The following MTCL1 variants were observed in gnomAD, a reference collection of about 807,000 sequenced individuals.
The protein encoded by MTCL1 is microtubule crosslinking factor 1.
MTCL1 carries 79 observed loss-of-function variants against 141.4 expected under a neutral mutation model. That is an observed-to-expected ratio of 0.56 (90% CI 0.47 to 0.67). MTCL1 has a LOEUF of 0.67. MTCL1 is among the 30% of genes least tolerant of loss of function. The probability of loss-of-function intolerance (pLI) is 0.00; values close to 1 mark genes in which losing one functional copy is unlikely to be tolerated. For missense variants in MTCL1, 2,177 were observed against 2,113.9 expected, an observed-to-expected ratio of 1.03 and a Z score of -0.59; for synonymous variants, 914 against 875.8, an observed-to-expected ratio of 1.04 and a Z score of -0.77.
At position 8,828,827 on chromosome 18, in the gene MTCL1, T is replaced by C. The variant is rs2077105430; in HGVS notation, c.4723-81T>C. 6.2e-7 allele frequency: 1 copy of C among 1,607,648 alleles called. No homozygotes were observed. The highest frequency in any genetic ancestry group is 8.5e-7 in the Non-Finnish European group (1 of 1,177,778). Reference sequence around the variant, plus strand: ...CCTCTACCTCCGGGCTTGCTGACTTTAAACCTTTATTGTTCTCCTGTTTAA... The same window carrying C: ...CCTCTACCTCCGGGCTTGCTGACTTCAAACCTTTATTGTTCTCCTGTTTAA... On this transcript the variant is annotated intron_variant, in intron 15 of 16. Coordinates refer to ENST00000359865, the Ensembl canonical transcript of MTCL1. The surrounding 1 kb of genome is among the most constrained non-coding windows in gnomAD (Gnocchi z 5.2).
exon 1 of MTCL1, chr18:8,706,060 C>G: frequency 8.4e-7 from 1 of 1,190,604 alleles, no homozygotes; most frequent in South Asian, 4.2e-5. Context: ...GAGGGCGGCG[C>G]GCGTGGCGCC....
In MTCL1 at chr18:8,786,118, C is replaced by CG. The variant is rs770424232; in HGVS notation, c.1887+27_1887+28insG. 1.1e-4 allele frequency: 151 copies of CG among 1,400,606 alleles called. 3 individuals carry two copies. The highest frequency in any genetic ancestry group is 4.6e-4 in the African/African-American group (20 of 43,776). The allele number at this position is 1,400,606 out of a possible 1,614,324, so 86.8% of individuals were successfully genotyped here. A position where few individuals can be genotyped will look rare whatever the true frequency, so the allele number is the denominator to read the frequency against. On this transcript the variant is annotated intron_variant, in intron 7 of 16. Transcript: ENST00000359865. ...TCAGCGTGGGCAAGCAATCCCCCCC[C>CG]CCCGCCCTCCCCCTCCTTTTTCTGT...
chr18:8,784,030 C>T, exon 6 of MTCL1: 1 of 1,613,654 alleles, frequency 6.2e-7, no homozygotes, highest in East Asian at 2.2e-5. Context: ...CCCACGAGCT[C>T]AGCAAGTTTA....
chr18:8,815,230 CA>C (rs1392676480), intron 12 of MTCL1, among the ~76,000 whole-genome samples: 1 of 151,812 alleles, frequency 6.6e-6, no homozygotes, highest in Non-Finnish European at 1.5e-5. Context: ...CCCAAATGTC[CA>C]ACAATGGTAG....
intron 7 of MTCL1, among the ~76,000 whole-genome samples, chr18:8,788,314 G>A (rs1471210683): frequency 6.6e-6 from 1 of 152,152 alleles, no homozygotes; most frequent in Non-Finnish European, 1.5e-5. Flanking sequence ...GACTCTACCT[G>A]TGTGGATCCC....
At chr18:8,781,676 C>T (rs2096533116) in intron 5 of MTCL1, among the ~76,000 whole-genome samples, 1 of 152,078 alleles carries the variant, frequency 6.6e-6, no homozygotes, top group Non-Finnish European at 1.5e-5. Context: ...ATATACAGAC[C>T]ATTATTTCAT....
At chr18:8,777,203 G>A (rs774075816) in intron 4 of MTCL1, among the ~76,000 whole-genome samples, 4 of 152,152 alleles carry the variant, frequency 2.6e-5, no homozygotes, top group African/African-American at 7.2e-5. Context: ...ACCACTGCAC[G>A]CTAGCCTGGG....
At chr18:8,748,587 CACACACATAT>C (rs2096353881) in intron 4 of MTCL1, among the ~76,000 whole-genome samples, 1 of 152,092 alleles carries the variant, frequency 6.6e-6, no homozygotes, top group African/African-American at 2.4e-5. Flanking sequence ...TATGCACACA[CACACACATAT>C]ACACACATAT....
At chr18:8,795,258 C>A (rs778898665) in intron 8 of MTCL1, among the ~76,000 whole-genome samples, 1 of 152,142 alleles carries the variant, frequency 6.6e-6, no homozygotes, top group Non-Finnish European at 1.5e-5. Context: ...GAGAATTAAT[C>A]TAGTACTTTA....
intron 4 of MTCL1, among the ~76,000 whole-genome samples, chr18:8,757,867 C>T (rs555353193): frequency 5.5e-4 from 83 of 152,154 alleles, no homozygotes; most frequent in African/African-American, 1.9e-3. Flanking sequence ...AATTTTTCTT[C>T]CTTTGGTTTT....
chr18:8,806,446 A>G (rs146888782), intron 10 of MTCL1, among the ~76,000 whole-genome samples: 1 of 151,042 alleles, frequency 6.6e-6, no homozygotes, highest in Non-Finnish European at 1.5e-5. Context: ...CTGCACCCTC[A>G]TGACAGTCTT....
intron 4 of MTCL1, among the ~76,000 whole-genome samples, chr18:8,726,372 A>G (rs1267318238): frequency 1.4e-5 from 2 of 141,834 alleles, no homozygotes; most frequent in Non-Finnish European, 3.0e-5. Context: ...TCAAAATGCT[A>G]GTCAATTTGG....
intron 4 of MTCL1, among the ~76,000 whole-genome samples, chr18:8,727,909 T>TCG (rs1370619486): frequency 7.1e-6 from 1 of 141,804 alleles, no homozygotes; most frequent in Non-Finnish European, 1.5e-5. Flanking sequence ...TCTCTCTCTC[T>TCG]CTTTCTTTGA....
At chr18:8,806,317 C>T (rs1033121591) in intron 10 of MTCL1, among the ~76,000 whole-genome samples, 3 of 152,186 alleles carry the variant, frequency 2.0e-5, no homozygotes, top group African/African-American at 4.8e-5. Flanking sequence ...AACCACCAAT[C>T]GGAGTCTGAT....
intron 12 of MTCL1, among the ~76,000 whole-genome samples, chr18:8,818,533 C>T (rs2076736829): frequency 6.6e-6 from 1 of 152,228 alleles, no homozygotes; most frequent in African/African-American, 2.4e-5. Context: ...GATTCACACT[C>T]AGAAGTTTGC....
intron 10 of MTCL1, among the ~76,000 whole-genome samples, chr18:8,801,417 GGGA>G (rs1235425949): frequency 6.6e-6 from 1 of 151,692 alleles, no homozygotes; most frequent in Non-Finnish European, 1.5e-5. Context: ...TCCTGCAACT[GGGA>G]GGCCTCCCCT....
intron 15 of MTCL1, among the ~76,000 whole-genome samples, chr18:8,827,680 A>G (rs933231246): frequency 6.6e-6 from 1 of 152,148 alleles, no homozygotes; most frequent in African/African-American, 2.4e-5. Flanking sequence ...TCTGAATCTC[A>G]GTTGAAATTG....
intron 10 of MTCL1, among the ~76,000 whole-genome samples, chr18:8,799,088 G>A (rs377137417): frequency 2.0e-5 from 3 of 152,188 alleles, no homozygotes; most frequent in Non-Finnish European, 2.9e-5. Flanking sequence ...GGCTGAGGGC[G>A]CAGGGGCAGG....
chr18:8,720,288 G>A lies in MTCL1; in HGVS notation c.199-50G>A, dbSNP rs762166087. 1.8e-5 allele frequency: 29 copies of A among 1,595,128 alleles called. 1 individual carries two copies. In the Admixed American group the frequency reaches 3.0e-4, roughly 17 times the overall value. ...CTGATGTTGTCTGATAGTACCCTTAGCACACAAAAAGCCTCATATCCTGAT... is the reference window on the plus strand; with the variant it reads ...CTGATGTTGTCTGATAGTACCCTTAACACACAAAAAGCCTCATATCCTGAT... On this transcript the variant is annotated intron_variant, in intron 3 of 16. Coordinates refer to ENST00000359865, the Ensembl canonical transcript of MTCL1.
Sources: allele counts gnomAD v4.1 joint callset (sites outside exome capture counted in the v4.1 genomes callset), GRCh38; gene constraint gnomAD v4.1.1; non-coding constraint Gnocchi (gnomAD v3.1); transcripts MANE v1.5; gene names NCBI Gene and HGNC (gene_info 2026-07-23, HGNC 2026-07-21).